Variants in ACSM5 observed in about 807,000 individuals in gnomAD.
The protein encoded by ACSM5 is acyl-coenzyme A synthetase ACSM5, mitochondrial.
A neutral mutation model predicts 71.6 loss-of-function variants in ACSM5; 56 were observed. That is an observed-to-expected ratio of 0.78 (90% CI 0.63 to 0.98). ACSM5 has a LOEUF of 0.98. Among genes scored for constraint, ACSM5 ranks in the 50% least tolerant of loss-of-function variants. ACSM5 has a pLI of 0.00. For missense variants in ACSM5, 723 were observed against 726.0 expected (o/e 1.00, Z 0.05); for synonymous variants, 285 against 281.5 (o/e 1.01, Z -0.12).
chr16:20,439,965 G>A (rs1391317500), intron 13 of ACSM5, 46 bp downstream of exon 13: 1 of 1,607,692 alleles, frequency 6.2e-7, no homozygotes, highest in African/African-American at 1.3e-5. Flanking sequence ...GAATCAGATG[G>A]GCACGCTCTG....
intron 6 of ACSM5, among the ~76,000 whole-genome samples, chr16:20,424,946 T>C (rs779371538): frequency 5.2e-4 from 79 of 152,278 alleles, no homozygotes; most frequent in Non-Finnish European, 1.0e-3. Flanking sequence ...AATCACATCA[T>C]AGAGAATGGG....
At chr16:20,430,713 A>G (rs1967075859) in intron 8 of ACSM5, among the ~76,000 whole-genome samples, 1 of 151,858 alleles carries the variant, frequency 6.6e-6, no homozygotes, top group Non-Finnish European at 1.5e-5. Flanking sequence ...AATGAAAAAA[A>G]GGAGGAAAGA....
At position 20,440,328 on chromosome 16, in the gene ACSM5, T is replaced by C. The variant is rs566047672; in HGVS notation, c.1657-16T>C. On this transcript the variant is annotated splice_polypyrimidine_tract_variant and intron_variant, in intron 13 of 13. Coordinates refer to ENST00000331849, the MANE Select transcript of ACSM5 (RefSeq NM_017888.3). ...GATGATTTCCAAGTGTTTTTTGTTTTGTGTTTGGTCACTAGGTGGCCTTTG... is the reference window on the plus strand; with the variant it reads ...GATGATTTCCAAGTGTTTTTTGTTTCGTGTTTGGTCACTAGGTGGCCTTTG... 5.4e-6 allele frequency: 8 copies of C among 1,487,134 alleles called. No homozygotes were observed. In the Admixed American group the frequency reaches 1.0e-4, roughly 19 times the overall value. The allele number at this position is 1,487,134 out of a possible 1,614,324, so 92.1% of individuals were successfully genotyped here. A position where few individuals can be genotyped will look rare whatever the true frequency, so the allele number is the denominator to read the frequency against.
chr16:20,438,112 G>C (rs1344128436), intron 12 of ACSM5, among the ~76,000 whole-genome samples: 3 of 151,936 alleles, frequency 2.0e-5, no homozygotes, highest in Non-Finnish European at 4.4e-5. Flanking sequence ...ACAGGCGTGA[G>C]TCACCGTGCC....
At chr16:20,412,504 A>AT (rs1966849655) in intron 2 of ACSM5, among the ~76,000 whole-genome samples, 1 of 152,128 alleles carries the variant, frequency 6.6e-6, no homozygotes, top group African/African-American at 2.4e-5. Flanking sequence ...TTTCTTCTTT[A>AT]TTTTCCCTTA....
chr16:20,410,672 G>C (rs190794919), intron 1 of ACSM5, among the ~76,000 whole-genome samples: 1 of 152,164 alleles, frequency 6.6e-6, no homozygotes, highest in Non-Finnish European at 1.5e-5. Context: ...GCTGCAGTGA[G>C]CTATGATGGC....
chr16:20,434,619 G>T (rs374406759), intron 10 of ACSM5, among the ~76,000 whole-genome samples: 1 of 152,160 alleles, frequency 6.6e-6, no homozygotes, highest in Non-Finnish European at 1.5e-5. Context: ...GCTTGAACCC[G>T]GGAGGCAGAG....
chr16:20,423,845 T>C, intron 5 of ACSM5, 71 bp from the exon 6 acceptor site: 1 of 1,574,316 alleles, frequency 6.4e-7, no homozygotes, highest in Non-Finnish European at 8.6e-7. Context: ...AATGTGGTGA[T>C]ATAGATAATA....
intron 3 of ACSM5, 129 bp from the exon 4 acceptor site, chr16:20,419,093 GTTATTA>G (rs1966865749): frequency 4.1e-6 from 3 of 739,924 alleles, no homozygotes. Flanking sequence ...TTTTTAGGCT[GTTATTA>G]TTATTATTGT....
intron 9 of ACSM5, 57 bp downstream of exon 9, chr16:20,431,130 A>AG: frequency 1.2e-6 from 2 of 1,602,094 alleles, no homozygotes; most frequent in Non-Finnish European, 1.7e-6. Context: ...AAAGACACAC[A>AG]GGCCTGGTTG....
intron 5 of ACSM5, 88 bp from the exon 6 acceptor site, chr16:20,423,828 G>A (rs1399461089): frequency 1.3e-6 from 2 of 1,510,048 alleles, no homozygotes; most frequent in Non-Finnish European, 1.8e-6. Context: ...CACTGAGCAG[G>A]GCTCCAAATG....
chr16:20,427,852 A>G lies in ACSM5; in HGVS notation c.986A>G (p.Gln329Arg). 6.2e-7 allele frequency: 1 copy of G among 1,613,826 alleles called. No individual in the cohort carries two copies. Among genetic ancestry groups the G allele is most frequent in the Non-Finnish European group, 8.5e-7 (1 of 1,179,778 alleles). ...CCAACCATCTTTCGGCTGCTTGTGC[A>G]GGAGGATCTGACCAGGTACAGCCCG... The part of the protein sequence containing the change: ...CVPTIFRLLV[Q>R]EDLTRYQFQS... The change falls in exon 7 of 14, where the codon CAG becomes CGG. Residue 329 changes from glutamine (Q) to arginine (R), a missense_variant. Coordinates refer to ENST00000331849, the MANE Select transcript of ACSM5 (RefSeq NM_017888.3).
chr16:20,410,234 A>G (rs12920537), intron 1 of ACSM5, among the ~76,000 whole-genome samples: 31,309 of 152,072 alleles, frequency 0.21, 3,949 homozygotes, highest in Admixed American at 0.32. Context: ...TGTTATTACC[A>G]TATTTTGTTA....
chr16:20,419,122 C>T (rs1393852489), intron 3 of ACSM5, 106 bp from the exon 4 acceptor site: 1 of 909,362 alleles, frequency 1.1e-6, no homozygotes, highest in African/African-American at 1.7e-5. Flanking sequence ...CGTCTTCCAG[C>T]TCATGCATTC....
chr16:20,430,102 C>T (rs1967064771), intron 8 of ACSM5, among the ~76,000 whole-genome samples: 2 of 151,906 alleles, frequency 1.3e-5, no homozygotes, highest in African/African-American at 4.8e-5. Flanking sequence ...GTATAATGTA[C>T]ACTACTCAGC....
chr16:20,440,526 A>G lies in ACSM5; in HGVS notation c.*99A>G. 1 of 1,090,510 alleles carries G rather than the reference A, an allele frequency of 9.2e-7. No homozygotes were observed. Among genetic ancestry groups the G allele is most frequent in the Non-Finnish European group, 1.4e-6 (1 of 717,366 alleles). 67.6% of individuals were successfully genotyped at this position (1,090,510 alleles called of 1,614,324 possible). A position where few individuals can be genotyped will look rare whatever the true frequency, so the allele number is the denominator to read the frequency against. On this transcript the variant is annotated 3_prime_UTR_variant, in exon 14 of 14. Coordinates refer to ENST00000331849, the MANE Select transcript of ACSM5 (RefSeq NM_017888.3). The stretch of plus-strand genomic sequence containing the variant: ...TGGGGAGCATCATCTCTTCGACCCT[A>G]AAGATGTCAAAGGTGTGCAGCTTCC...
intron 6 of ACSM5, among the ~76,000 whole-genome samples, chr16:20,424,371 T>G (rs1966936461): frequency 6.6e-6 from 1 of 152,170 alleles, no homozygotes; most frequent in Non-Finnish European, 1.5e-5. Context: ...TGTCAAACCC[T>G]TAGGCAAAAT....
chr16:20,431,111 G>A (rs1341123936), intron 9 of ACSM5, 38 bp downstream of exon 9: 5 of 1,606,248 alleles, frequency 3.1e-6, no homozygotes, highest in Admixed American at 1.7e-5. Context: ...GGCCTGGCAT[G>A]GAGAGGAGAA....
At chr16:20,434,798 A>C (rs1240621852) in intron 10 of ACSM5, among the ~76,000 whole-genome samples, 4 of 152,168 alleles carry the variant, frequency 2.6e-5, no homozygotes, top group Non-Finnish European at 5.9e-5. Context: ...TGATACCATA[A>C]AGTCTTATCC....
Sources: allele counts gnomAD v4.1 joint callset (sites outside exome capture counted in the v4.1 genomes callset), GRCh38; gene constraint gnomAD v4.1.1; transcripts MANE v1.5; gene names NCBI Gene and HGNC (gene_info 2026-07-23, HGNC 2026-07-21).